TRAPPC12: variants seen among roughly 807,000 people sequenced by gnomAD.
TRAPPC12 encodes TPR repeat protein 15.
TRAPPC12 carries 61 observed loss-of-function variants against 69.2 expected under a neutral mutation model. The observed-to-expected ratio is 0.88, with a 90% CI of 0.72 to 1.09. The LOEUF (loss-of-function observed/expected upper bound fraction) is 1.09, where lower values mean the gene tolerates loss of function less well. Among genes scored for constraint, TRAPPC12 ranks in the 50% least tolerant of loss-of-function variants. The pLI is 0.00. For missense variants in TRAPPC12, 1,101 were observed against 1,016.4 expected, an observed-to-expected ratio of 1.08 and a Z score of -1.13; for synonymous variants, 469 against 438.9, an observed-to-expected ratio of 1.07 and a Z score of -0.86.
chr2:3,426,147 C>T (rs866835693), intron 5 of TRAPPC12, among the ~76,000 whole-genome samples: 2 of 152,114 alleles, frequency 1.3e-5, no homozygotes, highest in Non-Finnish European at 2.9e-5. Context: ...GACCTTTAGT[C>T]TCACTGGTAT....
chr2:3,458,345 T>G, intron 7 of TRAPPC12: 1 of 985,944 alleles, frequency 1.0e-6, no homozygotes, highest in Non-Finnish European at 1.2e-6. Flanking sequence ...ACTCCCTCAC[T>G]CCTTGTGGCA....
chr2:3,422,033 T>TA, intron 4 of TRAPPC12, 39 bp downstream of exon 4: 5 of 1,508,292 alleles, frequency 3.3e-6, no homozygotes, highest in Non-Finnish European at 4.6e-6. Flanking sequence ...TAACCTGGCT[T>TA]ATCACAGTCT....
At chr2:3,381,818 C>T (rs143690384) in intron 1 of TRAPPC12, among the ~76,000 whole-genome samples, 1 of 152,232 alleles carries the variant, frequency 6.6e-6, no homozygotes, top group African/African-American at 2.4e-5. Context: ...CCCTCCCTCA[C>T]TAAAGTGGCT....
intron 6 of TRAPPC12, among the ~76,000 whole-genome samples, chr2:3,445,314 G>A (rs1365676574): frequency 6.6e-6 from 1 of 152,204 alleles, no homozygotes; most frequent in Non-Finnish European, 1.5e-5. Flanking sequence ...GAACCCAGGA[G>A]GCTGAGGTTG....
intron 1 of TRAPPC12, among the ~76,000 whole-genome samples, chr2:3,385,779 C>T (rs1286486293): frequency 2.6e-5 from 4 of 152,188 alleles, no homozygotes; most frequent in Non-Finnish European, 2.9e-5. Context: ...ACGCAGACCA[C>T]GCTAGTGCCT....
Position 3,477,756 on chromosome 2 carries a change from T to C in TRAPPC12, c.1838T>C (p.Leu613Ser), listed in dbSNP as rs968847614. Reference sequence around the variant, plus strand: ...GACGTTGAGAAAGTAACACAGAAATTAGATGGACTACAGGGTAAAATCATG... The same window carrying C: ...GACGTTGAGAAAGTAACACAGAAATCAGATGGACTACAGGGTAAAATCATG... ...FQDVEKVTQK[L>S]DGLQGKIMVL... The change falls in exon 10 of 12, where the codon TTA (leucine) becomes TCA (serine). Residue 613 changes from leucine to serine, a missense_variant. Leu to Ser is a moderately radical substitution (Grantham distance 145). Transcript: ENST00000324266. 2 of 1,607,924 alleles carry C rather than the reference T, an allele frequency of 1.2e-6. No individual in the cohort carries two copies. Among genetic ancestry groups the C allele is most frequent in the African/African-American group, 1.3e-5 (1 of 74,656 alleles).
intron 3 of TRAPPC12, among the ~76,000 whole-genome samples, chr2:3,403,147 A>G (rs1661543479): frequency 6.6e-6 from 1 of 151,722 alleles, no homozygotes; most frequent in Non-Finnish European, 1.5e-5. Context: ...GAATTTCCTA[A>G]TTTACTTATT....
chr2:3,415,998 G>C (rs942525098), intron 3 of TRAPPC12, among the ~76,000 whole-genome samples: 1 of 151,962 alleles, frequency 6.6e-6, no homozygotes, highest in Non-Finnish European at 1.5e-5. Flanking sequence ...TTACAGGCGT[G>C]AGCCACCACG....
At chr2:3,408,122 C>T (rs149801825) in intron 3 of TRAPPC12, among the ~76,000 whole-genome samples, 2 of 152,198 alleles carry the variant, frequency 1.3e-5, no homozygotes, top group Non-Finnish European at 2.9e-5. Flanking sequence ...TGTGCTCTGC[C>T]GAGGCTGGTA....
chr2:3,475,968 T>C (rs1383541300), intron 9 of TRAPPC12, among the ~76,000 whole-genome samples: 1 of 152,204 alleles, frequency 6.6e-6, no homozygotes, highest in Non-Finnish European at 1.5e-5. Flanking sequence ...TCTCACACGG[T>C]CCTGTTAGAC....
At position 3,478,947 on chromosome 2, in the gene TRAPPC12, G is replaced by C. The variant is rs781485934; in HGVS notation, c.1965+14G>C. The C allele has an allele frequency of 6.2e-7, 1 of 1,612,102 alleles. No individual in the cohort carries two copies. Among genetic ancestry groups the C allele is most frequent in the Admixed American group, 1.7e-5 (1 of 60,014 alleles). On this transcript the variant is annotated intron_variant, in intron 11 of 11. Transcript: ENST00000324266. Reference sequence around the variant, plus strand: ...AGAAACGCAGTGGTAAGATCCCCAAGCTGCAGGATCCTCCATCCTCTGCCT... The same window carrying C: ...AGAAACGCAGTGGTAAGATCCCCAACCTGCAGGATCCTCCATCCTCTGCCT...
intron 5 of TRAPPC12, among the ~76,000 whole-genome samples, chr2:3,429,543 G>A (rs1663309598): frequency 6.6e-6 from 1 of 152,130 alleles, no homozygotes; most frequent in African/African-American, 2.4e-5. Context: ...CCCTATCCGT[G>A]AATTCTTCAG....
intron 2 of TRAPPC12, among the ~76,000 whole-genome samples, chr2:3,393,510 T>TACAC (rs554088443): frequency 3.3e-5 from 5 of 151,638 alleles, no homozygotes; most frequent in African/African-American, 1.2e-4. Flanking sequence ...CTCACACATA[T>TACAC]ACACACACAC....
chr2:3,396,542 G>GT lies in TRAPPC12; in HGVS notation c.1048-5229dup, dbSNP rs1427122216. ...CATTATTTCTTCAGGTATTTTCTGT[G>GT]TTTTTTCTCTCTCCTACTTCTGGAA... On this transcript the variant is annotated intron_variant, in intron 2 of 11. Transcript: ENST00000324266. Among the ~76,000 whole-genome samples, 3 of 152,100 alleles carry GT rather than the reference G, an allele frequency of 2.0e-5. No homozygotes were observed. The East Asian group carries it at 5.8e-4, about 29-fold the overall frequency.
rs1441961054 is a variant in TRAPPC12, at chr2:3,457,964, C to T, written c.1603+271C>T. ...AAAGCACACGGCCCGGAACCTGCCACGCTGAGTGGTCTGAGTGGGCGCGAG... is the reference window on the plus strand; with the variant it reads ...AAAGCACACGGCCCGGAACCTGCCATGCTGAGTGGTCTGAGTGGGCGCGAG... On this transcript the variant is annotated intron_variant, in intron 7 of 11. Coordinates refer to ENST00000324266, the MANE Select transcript of TRAPPC12 (RefSeq NM_016030.6). The T allele has an allele frequency of 9.7e-6, 13 of 1,337,260 alleles. No individual in the cohort carries two copies. In the Admixed American group the frequency reaches 1.5e-4, roughly 15 times the overall value. 82.8% of individuals were successfully genotyped at this position (1,337,260 alleles called of 1,614,324 possible). A position where few individuals can be genotyped will look rare whatever the true frequency, so the allele number is the denominator to read the frequency against.
chr2:3,461,607 C>A (rs149184560), intron 8 of TRAPPC12, among the ~76,000 whole-genome samples: 3 of 152,198 alleles, frequency 2.0e-5, no homozygotes, highest in Admixed American at 1.3e-4. Context: ...AAGGAAATTA[C>A]GGTTTTCAAG....
At chr2:3,458,714 C>T (rs1250749987) in intron 7 of TRAPPC12, among the ~76,000 whole-genome samples, 5 of 152,174 alleles carry the variant, frequency 3.3e-5, no homozygotes, top group Non-Finnish European at 4.4e-5. Flanking sequence ...AGTCATTTTA[C>T]CCCTGGTTGG....
intron 4 of TRAPPC12, among the ~76,000 whole-genome samples, chr2:3,422,235 C>T (rs1175660150): frequency 6.6e-6 from 1 of 152,144 alleles, no homozygotes; most frequent in Non-Finnish European, 1.5e-5. Flanking sequence ...ATGGTGGAAC[C>T]GGCATGGCTT....
At chr2:3,450,554 G>C (rs11892216) in intron 6 of TRAPPC12, among the ~76,000 whole-genome samples, 7,521 of 152,198 alleles carry the variant, frequency 0.049, 601 homozygotes, top group African/African-American at 0.17. Context: ...CCGGGGTGGC[G>C]AGGGGGCGCA....
Sources: gnomAD v4.1 joint callset for allele counts (sites outside exome capture counted in the v4.1 genomes callset) on GRCh38, gnomAD v4.1.1 for gene constraint, MANE v1.5 for transcripts, NCBI Gene and HGNC (gene_info 2026-07-23, HGNC 2026-07-21) for gene names.